The following MGMT variants were observed in gnomAD, a reference collection of about 807,000 sequenced individuals.
The protein encoded by MGMT is methylated-DNA--protein-cysteine methyltransferase.
A neutral mutation model predicts 15.9 loss-of-function variants in MGMT; 14 were observed. The ratio of observed to expected loss-of-function variants is 0.88; its 90% confidence interval spans 0.58 to 1.37. The LOEUF is 1.37. Among genes scored for constraint, MGMT ranks in the 40% most tolerant of loss-of-function variants. MGMT has a pLI of 0.00. For missense variants in MGMT, 282 were observed against 268.1 expected (o/e 1.05, Z -0.36); for synonymous variants, 130 against 118.2 (o/e 1.10, Z -0.65).
intron 3 of MGMT, among the ~76,000 whole-genome samples, 196 bp from the exon 4 acceptor site, chr10:129,759,006 G>A (rs1848838862): frequency 6.6e-6 from 1 of 152,258 alleles, no homozygotes; most frequent in Non-Finnish European, 1.5e-5. Flanking sequence ...GGGCCAGCCT[G>A]CATGGTGGCC....
intron 3 of MGMT, among the ~76,000 whole-genome samples, chr10:129,747,524 C>T (rs1268622933): frequency 6.6e-6 from 1 of 152,142 alleles, no homozygotes; most frequent in African/African-American, 2.4e-5. Context: ...TTCGGATTTA[C>T]AGAAAAATTG....
chr10:129,537,284 C>T (rs1487942799), intron 2 of MGMT: 1 of 152,148 alleles, frequency 6.6e-6, no homozygotes, highest in Non-Finnish European at 1.5e-5. Flanking sequence ...CTGTCCGAGA[C>T]AGCCATAATG....
intron 2 of MGMT, among the ~76,000 whole-genome samples, chr10:129,550,355 C>T (rs770241522): frequency 1.1e-4 from 15 of 139,396 alleles, no homozygotes; most frequent in African/African-American, 3.3e-4. Context: ...CACAGTGTTC[C>T]GCAGCCACCA....
At chr10:129,712,929 G>T (rs954530129) in intron 3 of MGMT, among the ~76,000 whole-genome samples, 2 of 152,128 alleles carry the variant, frequency 1.3e-5, no homozygotes, top group African/African-American at 4.8e-5. Flanking sequence ...CCTCACCCGA[G>T]GGTCCTAGGG....
chr10:129,715,097 C>T (rs1014946947), intron 3 of MGMT, among the ~76,000 whole-genome samples: 2 of 152,178 alleles, frequency 1.3e-5, no homozygotes, highest in African/African-American at 4.8e-5. Flanking sequence ...GAGAGTCAGC[C>T]ACTTCCAAAC....
At chr10:129,730,135 C>T (rs1244521876) in intron 3 of MGMT, among the ~76,000 whole-genome samples, 1 of 152,134 alleles carries the variant, frequency 6.6e-6, no homozygotes, top group African/African-American at 2.4e-5. Flanking sequence ...AATAGGAGTT[C>T]CTGTACTGGC....
chr10:129,582,491 T>C (rs898235675), intron 2 of MGMT, among the ~76,000 whole-genome samples: 3 of 152,246 alleles, frequency 2.0e-5, no homozygotes, highest in Non-Finnish European at 4.4e-5. Context: ...TTTTAAACTT[T>C]TGTTCTCCGT....
chr10:129,705,797 A>G (rs926793835), intron 2 of MGMT, among the ~76,000 whole-genome samples: 2 of 152,184 alleles, frequency 1.3e-5, no homozygotes, highest in Non-Finnish European at 2.9e-5. Context: ...CCATCCACAC[A>G]GGGCTGGGGA....
At chr10:129,741,473 C>T (rs1848632128) in intron 3 of MGMT, among the ~76,000 whole-genome samples, 2 of 152,144 alleles carry the variant, frequency 1.3e-5, no homozygotes, top group Non-Finnish European at 2.9e-5. Flanking sequence ...CTGGGAGGTT[C>T]GCCAGGACTG....
intron 2 of MGMT, among the ~76,000 whole-genome samples, chr10:129,588,134 T>C (rs1251737794): frequency 2.0e-5 from 3 of 152,152 alleles, no homozygotes; most frequent in Admixed American, 6.5e-5. Flanking sequence ...CGGGGACTCA[T>C]GGCTAGACAA....
intron 3 of MGMT, among the ~76,000 whole-genome samples, chr10:129,724,113 A>G (rs987780433): frequency 2.6e-5 from 4 of 152,210 alleles, no homozygotes; most frequent in African/African-American, 9.6e-5. Context: ...AATTGCTGCA[A>G]TTGGGAATTG....
At chr10:129,730,264 C>G (rs1321637246) in intron 3 of MGMT, among the ~76,000 whole-genome samples, 1 of 152,126 alleles carries the variant, frequency 6.6e-6, no homozygotes, top group East Asian at 1.9e-4. Context: ...TGCAGTGAAA[C>G]CAACAAATGG....
At chr10:129,531,770 G>A (rs1330404919) in intron 1 of MGMT, among the ~76,000 whole-genome samples, 10 of 143,772 alleles carry the variant, frequency 7.0e-5, no homozygotes, top group Middle Eastern at 3.7e-3. Context: ...TGCTCTTAGC[G>A]GGGGCTGGTG....
chr10:129,720,154 T>C (rs1460565363), intron 3 of MGMT, among the ~76,000 whole-genome samples: 1 of 152,198 alleles, frequency 6.6e-6, no homozygotes, highest in Non-Finnish European at 1.5e-5. Flanking sequence ...GTTTGTCATC[T>C]CCACATGAAA....
intron 3 of MGMT, among the ~76,000 whole-genome samples, chr10:129,709,122 T>A (rs1044886172): frequency 1.3e-5 from 2 of 152,188 alleles, no homozygotes; most frequent in Non-Finnish European, 2.9e-5. Flanking sequence ...CAGAACTGTC[T>A]CCAGAAGGGT....
chr10:129,493,250 A>G (rs1441025169), intron 1 of MGMT, among the ~76,000 whole-genome samples: 1 of 152,122 alleles, frequency 6.6e-6, no homozygotes, highest in Middle Eastern at 3.2e-3. Flanking sequence ...CAGATCTAGG[A>G]CTTTCTAAGG....
chr10:129,549,834 T>C (rs1343053578), intron 2 of MGMT, among the ~76,000 whole-genome samples: 1 of 152,226 alleles, frequency 6.6e-6, no homozygotes. Context: ...ATTGTTTGAA[T>C]TGACAAAATG....
chr10:129,743,619 T>C (rs1848662786), intron 3 of MGMT, among the ~76,000 whole-genome samples: 1 of 152,192 alleles, frequency 6.6e-6, no homozygotes, highest in Non-Finnish European at 1.5e-5. Flanking sequence ...TCACGTAGTG[T>C]GTTGGTTGGG....
chr10:129,753,646 A>G (rs978937236), intron 3 of MGMT, among the ~76,000 whole-genome samples: 2 of 151,876 alleles, frequency 1.3e-5, no homozygotes, highest in Non-Finnish European at 2.9e-5. Flanking sequence ...TCAACACTAA[A>G]TTTTCTACTT....
Sources: gnomAD v4.1 joint callset for allele counts (sites outside exome capture counted in the v4.1 genomes callset) on GRCh38, gnomAD v4.1.1 for gene constraint, MANE v1.5 for transcripts, NCBI Gene and HGNC (gene_info 2026-07-23, HGNC 2026-07-21) for gene names.